The following IPPK variants were observed in gnomAD, a reference collection of about 807,000 sequenced individuals.
The protein encoded by IPPK is IPK1 homolog.
Under a neutral mutation model 64.6 loss-of-function variants are expected in IPPK, and 22 were observed. That is an observed-to-expected ratio of 0.34 (90% CI 0.24 to 0.49). The LOEUF (loss-of-function observed/expected upper bound fraction) is 0.49. Ranked by LOEUF, IPPK falls within the 20% of genes least tolerant of loss-of-function variation. The pLI, the probability that IPPK is intolerant of heterozygous loss-of-function variation, is 0.99. For synonymous variants in IPPK, 262 were observed against 247.2 expected (o/e 1.06, Z -0.56); for missense variants, 532 against 630.7 (o/e 0.84, Z 1.68).
intron 12 of IPPK, chr9:92,619,250 C>A: frequency 4.0e-6 from 2 of 500,022 alleles, no homozygotes; most frequent in Non-Finnish European, 7.2e-6. Context: ...CAGTAACTTT[C>A]AATGTACTAA....
chr9:92,619,233 TAGAAAAC>T, intron 12 of IPPK: 1 of 454,560 alleles, frequency 2.2e-6, no homozygotes, highest in Non-Finnish European at 4.0e-6. Context: ...AGTATTTTCT[TAGAAAAC>T]AGTAACTTTC....
Position 92,645,770 on chromosome 9 carries a change from CT to C in IPPK, c.504+2288del, listed in dbSNP as rs1475617792. Among the ~76,000 whole-genome samples the C allele has an allele frequency of 5.3e-5, 8 of 152,012 alleles. No homozygotes were observed. The East Asian group carries it at 9.6e-4, about 18-fold the overall frequency. On this transcript the variant is annotated intron_variant, in intron 6 of 12. Coordinates refer to ENST00000287996, the MANE Select transcript of IPPK (RefSeq NM_022755.6). The stretch of plus-strand genomic sequence containing the variant: ...GAATTCTATATCTACCAAGACTATC[CT>C]TTGAAAATGAAGGAGAAATTAAGAC...
intron 1 of IPPK, among the ~76,000 whole-genome samples, chr9:92,665,825 C>CAT (rs1170736328): frequency 3.3e-5 from 5 of 151,810 alleles, no homozygotes; most frequent in South Asian, 2.1e-4. Context: ...AAAAAAAATA[C>CAT]ATATATATAT....
rs1179472540 is a variant in IPPK, at chr9:92,635,710, CT to C, written c.917-403del. On this transcript the variant is annotated intron_variant, in intron 9 of 12. Coordinates refer to ENST00000287996, the MANE Select transcript of IPPK (RefSeq NM_022755.6). This position sits in a 1 kb window ranked among gnomAD's most constrained non-coding sequence, Gnocchi z 4.4. ...TCAGGTCACAAAATTTCTTCTTTTT[CT>C]TTTCTTTTTTTTTTTTGAGACAGAG... 6.6e-6 allele frequency among the ~76,000 whole-genome samples: 1 copy of C among 151,624 alleles called. No homozygotes were observed. Among genetic ancestry groups the C allele is most frequent in the Admixed American group, 6.6e-5 (1 of 15,226 alleles).
intron 12 of IPPK, chr9:92,618,874 C>G (rs1193853539): frequency 2.9e-6 from 1 of 344,536 alleles, no homozygotes; most frequent in African/African-American, 2.1e-5. Context: ...TCCGCAAATA[C>G]TGGGTGCAGG....
At chr9:92,629,485 C>T (rs1486890705) in intron 11 of IPPK, among the ~76,000 whole-genome samples, 1 of 152,048 alleles carries the variant, frequency 6.6e-6, no homozygotes, top group Non-Finnish European at 1.5e-5. Context: ...GGCACGGTGG[C>T]TCACACCTGT....
At chr9:92,654,851 A>C (rs1045440505) in intron 3 of IPPK, among the ~76,000 whole-genome samples, 2 of 152,232 alleles carry the variant, frequency 1.3e-5, no homozygotes, top group African/African-American at 4.8e-5. Context: ...AAACTGGGCC[A>C]CGGCACAGAA....
rs1175082114 is a variant in IPPK at position 92,670,025 on chromosome 9, T to C, written c.-37A>G. The stretch of plus-strand genomic sequence containing the variant: ...GCCCTGGCGCCTCGCGGGCTAGGAC[T>C]CGGGGACGCGAGCTGGGGGCCGCCC... On this transcript the variant is annotated 5_prime_UTR_variant, in exon 1 of 13. Coordinates refer to ENST00000287996, the MANE Select transcript of IPPK (RefSeq NM_022755.6). 1 of 1,508,990 alleles carries C rather than the reference T, an allele frequency of 6.6e-7. No individual in the cohort carries two copies. The highest frequency in any genetic ancestry group is 1.4e-5 in the African/African-American group (1 of 70,048). The allele number at this position is 1,508,990 out of a possible 1,614,324, so 93.5% of individuals were successfully genotyped here.
chr9:92,630,524 T>C (rs958560389), intron 11 of IPPK, among the ~76,000 whole-genome samples: 1 of 152,196 alleles, frequency 6.6e-6, no homozygotes, highest in Non-Finnish European at 1.5e-5. Context: ...GGGTAAACTG[T>C]ATGGTATATA....
intron 1 of IPPK, among the ~76,000 whole-genome samples, chr9:92,667,762 G>A (rs897654157): frequency 2.6e-5 from 4 of 151,988 alleles, no homozygotes; most frequent in African/African-American, 4.8e-5. Flanking sequence ...AATTAGCCAG[G>A]CATGGTGGCA....
intron 11 of IPPK, among the ~76,000 whole-genome samples, chr9:92,626,576 G>A (rs1851737736): frequency 1.3e-5 from 2 of 152,170 alleles, no homozygotes; most frequent in South Asian, 4.1e-4. Context: ...ATGTGTGGGA[G>A]ATAAAATAAG....
chr9:92,652,642 G>A lies in IPPK; in HGVS notation c.226-3C>T, dbSNP rs761772364. 8 of 1,540,106 alleles carry A rather than the reference G, an allele frequency of 5.2e-6. No homozygotes were observed. The Admixed American group carries it at 8.7e-5, about 17-fold the overall frequency. On this transcript the variant is annotated splice_polypyrimidine_tract_variant and splice_region_variant and intron_variant, in intron 3 of 12. Transcript: ENST00000287996. ...TCTAAAGGTAGCTGAACGACCTCCT[G>A]TAAGAAAATACATGAAATTCTCAGT...
intron 1 of IPPK, among the ~76,000 whole-genome samples, chr9:92,664,173 T>A (rs1852546166): frequency 6.6e-6 from 1 of 152,210 alleles, no homozygotes; most frequent in Non-Finnish European, 1.5e-5. Context: ...GAAAGGGATG[T>A]CCAGGATGCG....
intron 9 of IPPK, among the ~76,000 whole-genome samples, chr9:92,636,362 C>T (rs1173018147): frequency 1.3e-5 from 2 of 152,168 alleles, no homozygotes; most frequent in Non-Finnish European, 2.9e-5. Flanking sequence ...GATCTCCAGG[C>T]GCCGTGGCTT....
rs1432559134 is a variant in IPPK at position 92,649,480 on chromosome 9, G to A, written c.387C>T (p.His129=). ...TAATCTCTACACACAGAATCGGCCGGTGCTCTGCAAAGCGGTAGGTTTGGA... is the reference window on the plus strand; with the variant it reads ...TAATCTCTACACACAGAATCGGCCGATGCTCTGCAAAGCGGTAGGTTTGGA... The part of the protein sequence containing the change: ...TRLQTYRFAE[H]RPILCVEIKP... Residue 129 remains histidine (H), a synonymous_variant, in exon 5 of 13, where the codon CAC becomes CAT. Coordinates refer to ENST00000287996, the MANE Select transcript of IPPK (RefSeq NM_022755.6). The A allele has an allele frequency of 6.2e-7, 1 of 1,614,130 alleles. No homozygotes were observed. Among genetic ancestry groups the A allele is most frequent in the East Asian group, 2.2e-5 (1 of 44,888 alleles).
At chr9:92,668,129 A>C (rs929144347) in intron 1 of IPPK, among the ~76,000 whole-genome samples, 1 of 151,792 alleles carries the variant, frequency 6.6e-6, no homozygotes, top group Admixed American at 6.6e-5. Flanking sequence ...TTAGCTGGGC[A>C]CGGTAGCGCA....
intron 11 of IPPK, chr9:92,619,915 A>G: frequency 3.2e-6 from 1 of 314,458 alleles, no homozygotes; most frequent in East Asian, 6.1e-5. Flanking sequence ...TGAGCCCCGC[A>G]TGTTGGCCAC....
At chr9:92,660,828 C>T (rs754343068) in intron 1 of IPPK, among the ~76,000 whole-genome samples, 1 of 152,334 alleles carries the variant, frequency 6.6e-6, no homozygotes, top group South Asian at 2.1e-4. Context: ...ATTATTATTA[C>T]ACACAAAACC....
At chr9:92,623,200 C>T (rs1471303718) in intron 11 of IPPK, among the ~76,000 whole-genome samples, 9 of 151,898 alleles carry the variant, frequency 5.9e-5, no homozygotes, top group African/African-American at 1.9e-4. Flanking sequence ...TTTGGGAGGC[C>T]GAGGCAAGCG....
Sources: allele counts gnomAD v4.1 joint callset (sites outside exome capture counted in the v4.1 genomes callset), GRCh38; gene constraint gnomAD v4.1.1; non-coding constraint Gnocchi (gnomAD v3.1); transcripts MANE v1.5; gene names NCBI Gene and HGNC (gene_info 2026-07-23, HGNC 2026-07-21).